Variants in PLAC8L1 observed in about 807,000 individuals in gnomAD.
The protein encoded by PLAC8L1 is PLAC8-like protein 1.
In PLAC8L1, 13 loss-of-function variants were observed where a neutral mutation model predicts 16.3. That is an observed-to-expected ratio of 0.80 (90% CI 0.52 to 1.27). The LOEUF (loss-of-function observed/expected upper bound fraction) is 1.27. Ranked by LOEUF, PLAC8L1 falls within the 50% of genes most tolerant of loss-of-function variation. PLAC8L1 has a pLI of 0.00. For synonymous variants in PLAC8L1, 78 were observed against 79.3 expected, an observed-to-expected ratio of 0.98 and a Z score of 0.09; for missense variants, 184 against 220.2, an observed-to-expected ratio of 0.84 and a Z score of 1.04.
intron 1 of PLAC8L1, among the ~76,000 whole-genome samples, chr5:146,098,549 T>C (rs894942253): frequency 6.6e-6 from 1 of 152,322 alleles, no homozygotes; most frequent in African/African-American, 2.4e-5. Flanking sequence ...CCAGTCTACT[T>C]CCTCAGTGTT....
intron 2 of PLAC8L1, among the ~76,000 whole-genome samples, chr5:146,086,295 C>T (rs1364196780): frequency 6.6e-6 from 1 of 152,106 alleles, no homozygotes; most frequent in Admixed American, 6.5e-5. Flanking sequence ...TCCCAAAGTG[C>T]TGGGATTACA....
chr5:146,099,118 G>A (rs1295849399), intron 1 of PLAC8L1, among the ~76,000 whole-genome samples: 1 of 152,156 alleles, frequency 6.6e-6, no homozygotes, highest in African/African-American at 2.4e-5. Flanking sequence ...CCATGGGGAT[G>A]TCTGGAGTGA....
intron 3 of PLAC8L1, among the ~76,000 whole-genome samples, chr5:146,084,927 G>T (rs1763482043): frequency 6.6e-6 from 1 of 152,196 alleles, no homozygotes; most frequent in Middle Eastern, 3.2e-3. Flanking sequence ...GTGTAAGAAG[G>T]GATAGGAAGC....
Position 146,084,320 on chromosome 5 carries a change from G to C in PLAC8L1, c.*112C>G. On this transcript the variant is annotated 3_prime_UTR_variant, in exon 4 of 4. Coordinates refer to ENST00000311450, the MANE Select transcript of PLAC8L1 (RefSeq NM_001029869.3). ...GAAGAACAGTAGAGACAGTAGGGGG[G>C]AAATCATTTATTTTCATACCATTTC... The C allele has an allele frequency of 1.5e-6, 2 of 1,326,976 alleles. No homozygotes were observed. The highest frequency in any genetic ancestry group is 1.4e-5 in the South Asian group (1 of 71,482). 82.2% of individuals were successfully genotyped at this position (1,326,976 alleles called of 1,614,324 possible). A position where few individuals can be genotyped will look rare whatever the true frequency, so the allele number is the denominator to read the frequency against.
intron 2 of PLAC8L1, among the ~76,000 whole-genome samples, chr5:146,085,910 A>G (rs1033632850): frequency 2.0e-5 from 3 of 152,148 alleles, no homozygotes; most frequent in African/African-American, 4.8e-5. Flanking sequence ...CATTTGAATC[A>G]TAACTGTTGC....
At chr5:146,085,357 C>A in intron 3 of PLAC8L1, 104 bp downstream of exon 3, 1 of 1,316,638 alleles carries the variant, frequency 7.6e-7, no homozygotes, top group South Asian at 1.7e-5. Context: ...TGGTATGTTT[C>A]AACATCCTCA....
intron 2 of PLAC8L1, among the ~76,000 whole-genome samples, chr5:146,086,870 T>G (rs1474183568): frequency 1.3e-5 from 2 of 152,188 alleles, no homozygotes; most frequent in Non-Finnish European, 2.9e-5. Flanking sequence ...CTCTGAAAAT[T>G]TTTTAAATAA....
intron 2 of PLAC8L1, among the ~76,000 whole-genome samples, chr5:146,096,686 C>T (rs946136498): frequency 9.9e-5 from 15 of 151,306 alleles, no homozygotes; most frequent in African/African-American, 3.4e-4. Flanking sequence ...CCCCCAACCC[C>T]CAACCATAAG....
Position 146,104,345 on chromosome 5 carries a change from C to A in PLAC8L1, c.-34G>T. 1 of 1,523,106 alleles carries A rather than the reference C, an allele frequency of 6.6e-7. No individual in the cohort carries two copies. Among genetic ancestry groups the A allele is most frequent in the African/African-American group, 1.4e-5 (1 of 73,310 alleles). 94.3% of individuals were successfully genotyped at this position (1,523,106 alleles called of 1,614,324 possible). ...GTGTTTTCTTGTCCTTTGGGCTATC[C>A]TTTTTCCCTTTGGCAATAAGCTGGT... On this transcript the variant is annotated 5_prime_UTR_variant, in exon 1 of 4. It adds an upstream start codon to the 5' untranslated region. Coordinates refer to ENST00000311450, the MANE Select transcript of PLAC8L1 (RefSeq NM_001029869.3).
At position 146,095,305 on chromosome 5, in the gene PLAC8L1, C is replaced by G. The variant is rs914276797; in HGVS notation, c.256+2851G>C. ...AGAATATTGTATTTCTCCCCATATC[C>G]TTTTTCCTCCCCTTGTCACTAGAAT... On this transcript the variant is annotated intron_variant, in intron 2 of 3. Transcript: ENST00000311450. Among the ~76,000 whole-genome samples the G allele has an allele frequency of 1.2e-4, 19 of 152,118 alleles. 1 individual carries two copies. Among genetic ancestry groups the G allele is most frequent in the Admixed American group, 1.2e-3 (19 of 15,256 alleles).
chr5:146,092,487 T>A (rs1763636197), intron 2 of PLAC8L1, among the ~76,000 whole-genome samples: 1 of 152,010 alleles, frequency 6.6e-6, no homozygotes, highest in African/African-American at 2.4e-5. Context: ...CAATGGAGAT[T>A]TTCAGATAAA....
At chr5:146,089,759 G>A (rs1763581191) in intron 2 of PLAC8L1, among the ~76,000 whole-genome samples, 1 of 140,836 alleles carries the variant, frequency 7.1e-6, no homozygotes, top group South Asian at 2.2e-4. Context: ...TTTTTTTTGA[G>A]ATGAAGTCTT....
intron 2 of PLAC8L1, among the ~76,000 whole-genome samples, chr5:146,091,077 G>A (rs950735919): frequency 3.8e-4 from 58 of 152,064 alleles, no homozygotes; most frequent in African/African-American, 1.4e-3. Flanking sequence ...TTGTTAATAT[G>A]ATATATTGTG....
chr5:146,088,700 A>C (rs1262643801), intron 2 of PLAC8L1, among the ~76,000 whole-genome samples: 1 of 152,218 alleles, frequency 6.6e-6, no homozygotes, highest in East Asian at 1.9e-4. Context: ...GGCCCAAAGC[A>C]AACTCTGAAT....
At chr5:146,103,378 C>T (rs1384979094) in intron 1 of PLAC8L1, among the ~76,000 whole-genome samples, 3 of 152,022 alleles carry the variant, frequency 2.0e-5, no homozygotes, top group Admixed American at 6.6e-5. Context: ...AGGCTGGTCT[C>T]GAATTCCTGA....
chr5:146,093,522 A>G (rs1273009982), intron 2 of PLAC8L1, among the ~76,000 whole-genome samples: 1 of 152,214 alleles, frequency 6.6e-6, no homozygotes, highest in African/African-American at 2.4e-5. Flanking sequence ...GCTGACTCGC[A>G]ATATCCCTTC....
chr5:146,085,777 C>T (rs1763500483), intron 2 of PLAC8L1, among the ~76,000 whole-genome samples, 180 bp from the exon 3 acceptor site: 1 of 152,190 alleles, frequency 6.6e-6, no homozygotes, highest in Admixed American at 6.5e-5. Context: ...ATAACTGAGC[C>T]ACATCAAAAT....
At chr5:146,100,252 A>G (rs1022301304) in intron 1 of PLAC8L1, among the ~76,000 whole-genome samples, 1 of 152,214 alleles carries the variant, frequency 6.6e-6, no homozygotes, top group Non-Finnish European at 1.5e-5. Context: ...AATCAAGACA[A>G]TACTTAACAA....
At chr5:146,093,610 G>C (rs191663713) in intron 2 of PLAC8L1, among the ~76,000 whole-genome samples, 1 of 152,288 alleles carries the variant, frequency 6.6e-6, no homozygotes, top group African/African-American at 2.4e-5. Flanking sequence ...TCATTTATGT[G>C]TTATCCAGCA....
Sources: gnomAD v4.1 joint callset for allele counts (sites outside exome capture counted in the v4.1 genomes callset) on GRCh38, gnomAD v4.1.1 for gene constraint, MANE v1.5 for transcripts, NCBI Gene and HGNC (gene_info 2026-07-23, HGNC 2026-07-21) for gene names.